Variants in SYNPO2L observed in about 807,000 individuals in gnomAD.
SYNPO2L encodes the protein synaptopodin 2-like protein.
SYNPO2L carries 34 observed loss-of-function variants against 47.5 expected under a neutral mutation model. That is an observed-to-expected ratio of 0.72 (90% CI 0.54 to 0.95). The LOEUF is 0.95. Among genes scored for constraint, SYNPO2L ranks in the 40% least tolerant of loss-of-function variants. The probability of loss-of-function intolerance (pLI) is 0.00; values close to 1 mark genes in which losing one functional copy is unlikely to be tolerated. For synonymous variants in SYNPO2L, 536 were observed against 524.9 expected (o/e 1.02, Z -0.29); for missense variants, 1,246 against 1,282.0 (o/e 0.97, Z 0.43).
chr10:73,650,815 T>G, intron 3 of SYNPO2L: 1 of 1,421,788 alleles, frequency 7.0e-7, no homozygotes, highest in Admixed American at 2.7e-5. Context: ...AACAAGAGAG[T>G]AAGACCTTTC....
rs574261746 is a variant in SYNPO2L, at chr10:73,644,926, T to C, written c.*1792A>G. 2.4e-5 allele frequency: 25 copies of C among 1,061,090 alleles called. No homozygotes were observed. In the East Asian group the frequency reaches 1.0e-3, roughly 43 times the overall value. The allele number at this position is 1,061,090 out of a possible 1,614,324, so 65.7% of individuals were successfully genotyped here. A position where few individuals can be genotyped will look rare whatever the true frequency, so the allele number is the denominator to read the frequency against. On this transcript the variant is annotated 3_prime_UTR_variant, in exon 4 of 4. Transcript: ENST00000394810. Reference sequence around the variant, plus strand: ...TATTCTTGTGCACAAACCAAAGTATTGTGACTCACACCCAACAAGCAAAGG... The same window carrying C: ...TATTCTTGTGCACAAACCAAAGTATCGTGACTCACACCCAACAAGCAAAGG...
intron 3 of SYNPO2L, among the ~76,000 whole-genome samples, chr10:73,652,585 G>A (rs1589455182): frequency 1.3e-5 from 2 of 152,120 alleles, no homozygotes; most frequent in Admixed American, 6.6e-5. Context: ...CTGGAGAATC[G>A]CTTGAACCCG....
At chr10:73,652,773 G>A (rs746176523) in intron 3 of SYNPO2L, among the ~76,000 whole-genome samples, 4 of 152,134 alleles carry the variant, frequency 2.6e-5, no homozygotes, top group East Asian at 3.9e-4. Context: ...ACCTTGCCCC[G>A]CCTTCAACCT....
chr10:73,645,027 T>C lies in SYNPO2L; in HGVS notation c.*1691A>G. The C allele has an allele frequency of 1.6e-6, 2 of 1,266,436 alleles. No individual in the cohort carries two copies. Among genetic ancestry groups the C allele is most frequent in the Non-Finnish European group, 1.0e-6 (1 of 974,662 alleles). The allele number at this position is 1,266,436 out of a possible 1,614,324, so 78.4% of individuals were successfully genotyped here. A position where few individuals can be genotyped will look rare whatever the true frequency, so the allele number is the denominator to read the frequency against. The stretch of plus-strand genomic sequence containing the variant: ...GTGAGAAGGGAGTCCATACTAAGAT[T>C]GGAGATCAGGACCTGAAGCTGAAAA... On this transcript the variant is annotated 3_prime_UTR_variant, in exon 4 of 4. Coordinates refer to ENST00000394810, the MANE Select transcript of SYNPO2L (RefSeq NM_001114133.3).
In SYNPO2L at chr10:73,648,909, G is replaced by A. The variant is rs755337626; in HGVS notation, c.773-30C>T. ...GGAGGCCAAGAGGTAAAATGGTCAG[G>A]GGGGCTTCCCAGCCTCTTTTAGTCC... is the stretch of plus-strand genomic sequence containing the variant. On this transcript the variant is annotated intron_variant, in intron 3 of 3. Transcript: ENST00000394810. The A allele has an allele frequency of 2.7e-6, 4 of 1,480,946 alleles. No homozygotes were observed. In the East Asian group the frequency reaches 6.9e-5, roughly 26 times the overall value. 91.7% of individuals were successfully genotyped at this position (1,480,946 alleles called of 1,614,324 possible).
Position 73,646,524 on chromosome 10 carries a change from C to T in SYNPO2L, c.*194G>A, listed in dbSNP as rs2081750885. On this transcript the variant is annotated 3_prime_UTR_variant, in exon 4 of 4. Transcript: ENST00000394810. Reference sequence around the variant, plus strand: ...AGAGAGGCAAAGATACCAAAGCAGACATACTTGGTTGGAAAGCGGCAGGGA... The same window carrying T: ...AGAGAGGCAAAGATACCAAAGCAGATATACTTGGTTGGAAAGCGGCAGGGA... 1 of 1,247,280 alleles carries T rather than the reference C, an allele frequency of 8.0e-7. No individual in the cohort carries two copies. The highest frequency in any genetic ancestry group is 1.0e-6 in the Non-Finnish European group (1 of 996,562). 77.3% of individuals were successfully genotyped at this position (1,247,280 alleles called of 1,614,324 possible).
intron 2 of SYNPO2L, 116 bp downstream of exon 2, chr10:73,654,013 C>G: frequency 7.5e-7 from 1 of 1,339,942 alleles, no homozygotes; most frequent in East Asian, 2.5e-5. Flanking sequence ...CCAGCAGAAA[C>G]GCACGAGCAG....
chr10:73,650,621 A>G (rs1394638025), intron 3 of SYNPO2L: 1 of 905,148 alleles, frequency 1.1e-6, no homozygotes, highest in African/African-American at 1.8e-5. Context: ...GTTCACACAT[A>G]TCTTCTCCCA....
chr10:73,654,196 G>A lies in SYNPO2L; in HGVS notation c.190C>T (p.Leu64Phe). The A allele has an allele frequency of 3.2e-6, 5 of 1,551,680 alleles. No individual in the cohort carries two copies. Among genetic ancestry groups the A allele is most frequent in the Non-Finnish European group, 4.4e-6 (5 of 1,146,984 alleles). Residue 64 changes from leucine to phenylalanine, a missense_variant, in exon 2 of 4, where the codon CTC becomes TTC. Around this residue, in one of 3 missense-constraint regions of SYNPO2L, gnomAD observed 148 missense variants for 204.8 expected, o/e 0.72. Transcript: ENST00000394810. Reference sequence around the variant, plus strand: ...AGGCTCATGGCACTGGCATGGGAGAGGTTGGTGCAAGAGACCCCATTGATT... The same window carrying A: ...AGGCTCATGGCACTGGCATGGGAGAAGTTGGTGCAAGAGACCCCATTGATT... ...LAINGVSCTN[L>F]SHASAMSLID...
intron 2 of SYNPO2L, 142 bp downstream of exon 2, chr10:73,653,987 A>G (rs569453306): frequency 1.8e-6 from 2 of 1,134,472 alleles, no homozygotes; most frequent in East Asian, 2.6e-5. Context: ...GGAGGCAGAC[A>G]CAAACCATCT....
Position 73,653,231 on chromosome 10 carries a change from G to C in SYNPO2L, c.680C>G (p.Pro227Arg), listed in dbSNP as rs1283990164. The part of the protein sequence containing the change: ...ALLLPHGPLR[P>R]GPHLIPMVGP... ...CACCATAGGGATGAGATGAGGACCA[G>C]GTCGGAGGGGGCCATGGGGTAACAG... The change falls in exon 3 of 4, where the codon CCT (proline) becomes CGT (arginine). Residue 227 changes from proline to arginine, a missense_variant. By Grantham distance (103) the Pro-to-Arg change is moderately radical. Transcript: ENST00000394810. The C allele has an allele frequency of 1.3e-6, 2 of 1,528,746 alleles. No individual in the cohort carries two copies. The highest frequency in any genetic ancestry group is 1.8e-6 in the Non-Finnish European group (2 of 1,134,736). The allele number at this position is 1,528,746 out of a possible 1,614,324, so 94.7% of individuals were successfully genotyped here.
At chr10:73,650,894 T>C (rs897296090) in intron 3 of SYNPO2L, 15 of 1,604,374 alleles carry the variant, frequency 9.3e-6, no homozygotes, top group Non-Finnish European at 1.3e-5. Context: ...CTCATAGATA[T>C]GGGAGGGTAG....
chr10:73,655,513 A>G (rs1311497698), intron 1 of SYNPO2L, among the ~76,000 whole-genome samples: 3 of 152,236 alleles, frequency 2.0e-5, no homozygotes, highest in East Asian at 3.9e-4. Flanking sequence ...ACCCAAGAGA[A>G]CAAACACTGG....
chr10:73,648,682 C>A lies in SYNPO2L; in HGVS notation c.970G>T (p.Glu324Ter). 1.2e-6 allele frequency: 2 copies of A among 1,610,532 alleles called. No individual in the cohort carries two copies. Among genetic ancestry groups the A allele is most frequent in the Non-Finnish European group, 1.7e-6 (2 of 1,176,948 alleles). The change falls in exon 4 of 4, where the codon GAG becomes TAG. Residue 324 changes from glutamate (E) to a stop codon, truncating the protein, a stop_gained. Coordinates refer to ENST00000394810, the MANE Select transcript of SYNPO2L (RefSeq NM_001114133.3). LOFTEE classifies it low-confidence loss of function (END_TRUNC). ...GAAAGTGAEE[E>*]DGVPPTSESE... is the part of the protein sequence containing the mutation. ...TCACTCGTGGGGGGAACGCCGTCCT[C>A]CTCCTCAGCGCCTGTCCCAGCAGCA... is the stretch of plus-strand genomic sequence containing the variant.
intron 3 of SYNPO2L, among the ~76,000 whole-genome samples, chr10:73,652,601 C>T (rs1351247489): frequency 1.3e-5 from 2 of 152,210 alleles, no homozygotes; most frequent in South Asian, 2.1e-4. Flanking sequence ...ACCCGGGAGG[C>T]GGAGGTTGCA....
intron 3 of SYNPO2L, chr10:73,651,049 C>G (rs905782735): frequency 2.5e-6 from 4 of 1,588,426 alleles, no homozygotes; most frequent in Non-Finnish European, 2.6e-6. Context: ...CCAGCTTGAG[C>G]CACCCCCCAC....
rs760049196 is a variant in SYNPO2L at position 73,648,370 on chromosome 10, C to G, written c.1282G>C (p.Ala428Pro). ...GGGAGCACAGCTGCCTCTGGGGGAG[C>G]ACTCTGGGCCCGAGGTGGTGACTGC... ...GLQSPPRAQS[A>P]PPEAAVLPPS... is the part of the protein sequence containing the mutation. The change falls in exon 4 of 4, where the codon GCT (alanine) becomes CCT (proline). Residue 428 changes from alanine to proline, a missense_variant. Transcript: ENST00000394810. 1.2e-6 allele frequency: 2 copies of G among 1,606,284 alleles called. No individual in the cohort carries two copies. The highest frequency in any genetic ancestry group is 1.7e-6 in the Non-Finnish European group (2 of 1,179,264).
intron 3 of SYNPO2L, chr10:73,650,619 A>G (rs1337103283): frequency 2.2e-6 from 2 of 899,248 alleles, no homozygotes; most frequent in South Asian, 1.0e-4. Flanking sequence ...TTGTTCACAC[A>G]TATCTTCTCC....
In SYNPO2L at chr10:73,648,084, G is replaced by A; in HGVS notation, c.1568C>T (p.Ser523Leu). The A allele has an allele frequency of 2.5e-6, 4 of 1,572,322 alleles. No homozygotes were observed. The highest frequency in any genetic ancestry group is 3.4e-6 in the Non-Finnish European group (4 of 1,161,068). The change falls in exon 4 of 4, where the codon TCA (serine) becomes TTA (leucine). Residue 523 changes from serine (S) to leucine (L), a missense_variant. Physicochemically the swap from Ser to Leu is moderately radical, Grantham distance 145. Coordinates refer to ENST00000394810, the MANE Select transcript of SYNPO2L (RefSeq NM_001114133.3). ...GACTGGCGCGTGGCTGGGAACCCCT[G>A]AAGTGAAGCTGGGCAGAGGGGTGGG... is the stretch of plus-strand genomic sequence containing the variant. ...QGPTPLPSFT[S>L]GVPSHAPVSG...
Sources: allele counts gnomAD v4.1 joint callset (sites outside exome capture counted in the v4.1 genomes callset), GRCh38; gene constraint gnomAD v4.1.1; regional missense constraint gnomAD v4.1.1; transcripts MANE v1.5; gene names NCBI Gene and HGNC (gene_info 2026-07-23, HGNC 2026-07-21).